The following SMYD3 variants were observed in gnomAD, a reference collection of about 807,000 sequenced individuals.
SMYD3 encodes the protein histone-lysine N-methyltransferase SMYD3.
In SMYD3, 36 loss-of-function variants were observed where a neutral mutation model predicts 57.7. The observed-to-expected ratio is 0.62, with a 90% CI of 0.48 to 0.82. SMYD3 has a LOEUF of 0.82. Among genes scored for constraint, SMYD3 ranks in the 40% least tolerant of loss-of-function variants. The pLI is 0.00. For missense variants in SMYD3, 515 were observed against 538.8 expected (o/e 0.96, Z 0.44); for synonymous variants, 211 against 195.0 (o/e 1.08, Z -0.68).
intron 5 of SMYD3, among the ~76,000 whole-genome samples, chr1:245,973,372 C>G (rs959012226): frequency 5.9e-5 from 9 of 152,190 alleles, no homozygotes; most frequent in Admixed American, 5.9e-4. Context: ...ACAGGGTGTT[C>G]ACCCAATCTG....
chr1:246,035,202 A>G (rs2059750548), intron 5 of SMYD3: 1 of 152,190 alleles, frequency 6.6e-6, no homozygotes, highest in Non-Finnish European at 1.5e-5. Context: ...AATATAGTAA[A>G]CATATCTTTG....
At chr1:245,999,170 A>G (rs10802316) in intron 5 of SMYD3, among the ~76,000 whole-genome samples, 1 of 151,726 alleles carries the variant, frequency 6.6e-6, no homozygotes, top group Non-Finnish European at 1.5e-5. Context: ...ACCAAAAAAA[A>G]CCCACAAAAA....
At chr1:246,409,312 T>C (rs1015891032) in intron 1 of SMYD3, among the ~76,000 whole-genome samples, 1 of 152,238 alleles carries the variant, frequency 6.6e-6, no homozygotes, top group Non-Finnish European at 1.5e-5. Context: ...GTTTTAGGTC[T>C]GACATGTAAG....
At chr1:246,315,821 C>A (rs764247425) in intron 5 of SMYD3, among the ~76,000 whole-genome samples, 108 of 152,166 alleles carry the variant, frequency 7.1e-4, no homozygotes, top group Middle Eastern at 3.2e-3. Context: ...GATTAAGATG[C>A]TTTAAAAGAA....
intron 1 of SMYD3, among the ~76,000 whole-genome samples, chr1:246,473,008 C>T (rs2067981472): frequency 6.6e-6 from 1 of 151,956 alleles, no homozygotes. Flanking sequence ...AGGCACATGC[C>T]ACCACACCCA....
chr1:246,050,089 GC>G (rs1377164453), intron 5 of SMYD3, among the ~76,000 whole-genome samples: 6 of 152,144 alleles, frequency 3.9e-5, no homozygotes, highest in African/African-American at 1.4e-4. Context: ...AGAGATTAGG[GC>G]CATAAACTAC....
chr1:245,782,485 G>A (rs547027317), intron 10 of SMYD3, among the ~76,000 whole-genome samples: 3 of 152,292 alleles, frequency 2.0e-5, no homozygotes, highest in South Asian at 4.1e-4. Context: ...AACACCTGAC[G>A]GCATGGAAGT....
intron 5 of SMYD3, among the ~76,000 whole-genome samples, chr1:245,964,210 C>T (rs560846942): frequency 1.3e-5 from 2 of 152,250 alleles, no homozygotes; most frequent in South Asian, 4.1e-4. Context: ...AGAGCAAGAA[C>T]CTGCTCATCA....
intron 5 of SMYD3, among the ~76,000 whole-genome samples, chr1:246,185,309 C>G (rs2062614960): frequency 6.6e-6 from 1 of 152,026 alleles, no homozygotes; most frequent in Admixed American, 6.6e-5. Context: ...GCGATCTCGG[C>G]TACTGCAACC....
At position 246,490,229 on chromosome 1, in the gene SMYD3, A is replaced by T. The variant is rs1479654255; in HGVS notation, c.164+16825T>A. 3.9e-5 allele frequency among the ~76,000 whole-genome samples: 6 copies of T among 152,300 alleles called. No homozygotes were observed. In the East Asian group the frequency reaches 1.2e-3, roughly 29 times the overall value. On this transcript the variant is annotated intron_variant, in intron 1 of 11. Transcript: ENST00000490107. The stretch of plus-strand genomic sequence containing the variant: ...GTGACTACACAGAATTATAGATTTG[A>T]TACTAATAATTCAGCCAGTGACCCT...
chr1:245,937,192 T>A (rs1334161689), intron 5 of SMYD3, among the ~76,000 whole-genome samples: 1 of 152,082 alleles, frequency 6.6e-6, no homozygotes, highest in Non-Finnish European at 1.5e-5. Flanking sequence ...ACACACAAAA[T>A]CCTCAACAAT....
At position 246,065,079 on chromosome 1, in the gene SMYD3, T is replaced by C. The variant is rs559661035; in HGVS notation, c.532-135142A>G. On this transcript the variant is annotated intron_variant, in intron 5 of 11. Transcript: ENST00000490107. ...AAAGCAGGATATAAATAGATATGTA[T>C]ATAGTCCCAAAGAGATGAGAACACT... is the stretch of plus-strand genomic sequence containing the variant. Among the ~76,000 whole-genome samples, 10 of 152,362 alleles carry C rather than the reference T, an allele frequency of 6.6e-5. No homozygotes were observed. The South Asian group carries it at 1.7e-3, about 25-fold the overall frequency.
chr1:246,369,025 C>A (rs2066151379), intron 1 of SMYD3, among the ~76,000 whole-genome samples: 2 of 152,180 alleles, frequency 1.3e-5, no homozygotes, highest in African/African-American at 4.8e-5. Flanking sequence ...AATACAACCA[C>A]TTAGCAGCTG....
chr1:245,914,442 T>A (rs1369264976), intron 8 of SMYD3, among the ~76,000 whole-genome samples: 1 of 152,210 alleles, frequency 6.6e-6, no homozygotes, highest in Non-Finnish European at 1.5e-5. Context: ...TATTCAGTCA[T>A]GAAAATGATA....
intron 5 of SMYD3, among the ~76,000 whole-genome samples, chr1:246,056,998 C>T (rs1387691717): frequency 6.6e-6 from 1 of 152,142 alleles, no homozygotes; most frequent in Non-Finnish European, 1.5e-5. Flanking sequence ...CTGCAAAATG[C>T]GGATTATAAT....
At chr1:245,832,958 A>T (rs2049918235) in intron 10 of SMYD3, among the ~76,000 whole-genome samples, 1 of 151,924 alleles carries the variant, frequency 6.6e-6, no homozygotes, top group Non-Finnish European at 1.5e-5. Context: ...CAGCATTCCA[A>T]GAACTGTCAA....
intron 5 of SMYD3, among the ~76,000 whole-genome samples, chr1:246,137,069 C>T (rs138246921): frequency 3.9e-5 from 6 of 152,284 alleles, no homozygotes; most frequent in African/African-American, 1.4e-4. Context: ...TTTTTCTGAT[C>T]ATGCATATAC....
At chr1:246,380,721 A>G (rs2066373969) in intron 1 of SMYD3, among the ~76,000 whole-genome samples, 1 of 152,206 alleles carries the variant, frequency 6.6e-6, no homozygotes, top group Non-Finnish European at 1.5e-5. Context: ...AATGCTCACC[A>G]AGCGCCTATT....
chr1:246,244,302 G>T (rs2063667639), intron 5 of SMYD3, among the ~76,000 whole-genome samples: 1 of 151,806 alleles, frequency 6.6e-6, no homozygotes, highest in African/African-American at 2.4e-5. Context: ...GTATCTTGGG[G>T]CTAGCTATTT....
Sources: allele counts gnomAD v4.1 joint callset (sites outside exome capture counted in the v4.1 genomes callset), GRCh38; gene constraint gnomAD v4.1.1; transcripts MANE v1.5; gene names NCBI Gene and HGNC (gene_info 2026-07-23, HGNC 2026-07-21).